Variants in SLC35F6 observed in about 807,000 individuals in gnomAD.
SLC35F6 encodes ANT2-binding protein.
A neutral mutation model predicts 29.4 loss-of-function variants in SLC35F6; 26 were observed. The ratio of observed to expected loss-of-function variants is 0.89; its 90% confidence interval spans 0.65 to 1.23. The LOEUF (loss-of-function observed/expected upper bound fraction) is 1.23. Ranked by LOEUF, SLC35F6 falls within the 50% of genes most tolerant of loss-of-function variation. The pLI is 0.00. For missense variants in SLC35F6, 428 were observed against 487.8 expected (o/e 0.88, Z 1.15); for synonymous variants, 174 against 206.6 (o/e 0.84, Z 1.35).
intron 1 of SLC35F6, among the ~76,000 whole-genome samples, chr2:26,765,959 G>T (rs1410121501): frequency 1.3e-5 from 2 of 152,238 alleles, no homozygotes; most frequent in Non-Finnish European, 2.9e-5. Context: ...GGAGAATCCA[G>T]ATTGCCAGTT....
chr2:26,778,584 C>A lies in SLC35F6; in HGVS notation c.*73C>A. On this transcript the variant is annotated 3_prime_UTR_variant, in exon 6 of 6. Coordinates refer to ENST00000344420, the MANE Select transcript of SLC35F6 (RefSeq NM_017877.4). ...GACTGAGGCCACACAGGCTGGTGGG[C>A]CCCGAATGCCCTATCCCCAAGGCCT... 1 of 1,389,778 alleles carries A rather than the reference C, an allele frequency of 7.2e-7. No homozygotes were observed. The allele number at this position is 1,389,778 out of a possible 1,614,324, so 86.1% of individuals were successfully genotyped here.
At position 26,775,265 on chromosome 2, in the gene SLC35F6, A is replaced by AG. The variant is rs761790495; in HGVS notation, c.322+54dup. ...AGGGCTCAGGGGAAGCTGTGGCTGAAGGGGCTACTGGTGAAACAGCCCTAT... is the reference window on the plus strand; with the variant it reads ...AGGGCTCAGGGGAAGCTGTGGCTGAAGGGGGCTACTGGTGAAACAGCCCTAT... On this transcript the variant is annotated intron_variant, in intron 3 of 5. Transcript: ENST00000344420. The surrounding 1 kb of genome is among the most constrained non-coding windows in gnomAD (Gnocchi z 4.6). 1.3e-5 allele frequency: 20 copies of AG among 1,584,210 alleles called. No homozygotes were observed. In the East Asian group the frequency reaches 4.5e-4, roughly 36 times the overall value.
At chr2:26,765,127 A>G (rs887715630) in intron 1 of SLC35F6, 1 of 500,218 alleles carries the variant, frequency 2.0e-6, no homozygotes, top group Non-Finnish European at 2.6e-6. Flanking sequence ...GCTGCTGCAT[A>G]GCAGATGAGG....
chr2:26,774,100 T>G, intron 1 of SLC35F6, 151 bp from the exon 2 acceptor site: 1 of 708,476 alleles, frequency 1.4e-6, no homozygotes, highest in Middle Eastern at 2.4e-4. Flanking sequence ...TTAAAACTCC[T>G]TGAGGTGAAG....
At chr2:26,767,395 G>A (rs1664113291) in intron 1 of SLC35F6, among the ~76,000 whole-genome samples, 1 of 152,208 alleles carries the variant, frequency 6.6e-6, no homozygotes, top group East Asian at 1.9e-4. Flanking sequence ...TGTGACAAGA[G>A]TGATGTTTCC....
intron 1 of SLC35F6, among the ~76,000 whole-genome samples, chr2:26,773,435 G>A (rs965501451): frequency 1.3e-5 from 2 of 150,188 alleles, no homozygotes; most frequent in African/African-American, 2.5e-5. Context: ...CCCGGGAGAC[G>A]GAGCTTGCAG....
chr2:26,771,988 A>AC (rs60614409), intron 1 of SLC35F6, among the ~76,000 whole-genome samples: 4,283 of 152,130 alleles, frequency 0.028, 209 homozygotes, highest in African/African-American at 0.099. Flanking sequence ...TGCCTTCTAA[A>AC]CAGTTCTGTC....
At chr2:26,764,648 A>G (rs1173614245) in intron 1 of SLC35F6, among the ~76,000 whole-genome samples, 2 of 152,206 alleles carry the variant, frequency 1.3e-5, no homozygotes, top group Non-Finnish European at 2.9e-5. Context: ...GATTTGCTGT[A>G]CAGCCTCCGC....
intron 1 of SLC35F6, among the ~76,000 whole-genome samples, chr2:26,765,378 G>A (rs930058376): frequency 6.6e-6 from 1 of 151,160 alleles, no homozygotes; most frequent in African/African-American, 2.4e-5. Flanking sequence ...GACCCAGGCA[G>A]TCATGAGACT....
rs1275171591 is a variant in SLC35F6, at chr2:26,764,444, C to A, written c.77+18C>A. ...TCGGCAAAGTGAGTCTGGGCCCTGCCGGGCGTGCGGGCCCTGGCGACCCCG... is the reference window on the plus strand; with the variant it reads ...TCGGCAAAGTGAGTCTGGGCCCTGCAGGGCGTGCGGGCCCTGGCGACCCCG... On this transcript the variant is annotated intron_variant, in intron 1 of 5. Coordinates refer to ENST00000344420, the MANE Select transcript of SLC35F6 (RefSeq NM_017877.4). 18 of 1,550,680 alleles carry A rather than the reference C, an allele frequency of 1.2e-5. No individual in the cohort carries two copies. The highest frequency in any genetic ancestry group is 1.4e-5 in the Non-Finnish European group (16 of 1,146,812).
chr2:26,766,188 C>T (rs935046545), intron 1 of SLC35F6, among the ~76,000 whole-genome samples: 1 of 152,174 alleles, frequency 6.6e-6, no homozygotes, highest in Admixed American at 6.5e-5. Context: ...CCAAGATGGG[C>T]CCCCAAATTG....
Position 26,776,377 on chromosome 2 carries a change from C to T in SLC35F6, c.541C>T (p.Leu181=). The T allele has an allele frequency of 6.2e-7, 1 of 1,614,134 alleles. No individual in the cohort carries two copies. The part of the protein sequence containing the change: ...HKLSEVITGD[L]LIIMAQIIVA... ...GGGTCCCTCCTTCCCCACAGGGGAC[C>T]TGTTGATCATCATGGCCCAGATCAT... The change falls in exon 5 of 6, where the codon CTG becomes TTG. Residue 181 remains leucine (L), a synonymous_variant. Coordinates refer to ENST00000344420, the MANE Select transcript of SLC35F6 (RefSeq NM_017877.4).
chr2:26,773,880 G>C (rs1255402547), intron 1 of SLC35F6, among the ~76,000 whole-genome samples: 1 of 152,202 alleles, frequency 6.6e-6, no homozygotes, highest in Non-Finnish European at 1.5e-5. Context: ...CCAAAGTGTC[G>C]GGATTACAGG....
intron 1 of SLC35F6, among the ~76,000 whole-genome samples, chr2:26,770,673 G>A (rs1204546787): frequency 6.6e-6 from 1 of 151,866 alleles, no homozygotes; most frequent in Non-Finnish European, 1.5e-5. Flanking sequence ...AGCCAAGATC[G>A]CGCTGCTACA....
In SLC35F6 at chr2:26,775,699, G is replaced by C. The variant is rs545302906; in HGVS notation, c.535+23G>C. 187 of 1,541,434 alleles carry C rather than the reference G, an allele frequency of 1.2e-4. No homozygotes were observed. Among genetic ancestry groups the C allele is most frequent in the Non-Finnish European group, 1.6e-4 (185 of 1,147,086 alleles). On this transcript the variant is annotated intron_variant, in intron 4 of 5. Coordinates refer to ENST00000344420, the MANE Select transcript of SLC35F6 (RefSeq NM_017877.4). The surrounding 1 kb of genome is among the most constrained non-coding windows in gnomAD (Gnocchi z 4.6). ...CAGGTGCGGCCAGGGGCAGGGACAC[G>C]GGGCTGCCCTATCCTGCCCTGTCCT...
chr2:26,778,420 G>A lies in SLC35F6; in HGVS notation c.1025G>A (p.Gly342Asp), dbSNP rs376660427. The change falls in exon 6 of 6, where the codon GGC (glycine) becomes GAC (aspartate). Residue 342 changes from glycine (G) to aspartate (D), a missense_variant. Physicochemically the swap from Gly to Asp is moderately conservative, Grantham distance 94. Coordinates refer to ENST00000344420, the MANE Select transcript of SLC35F6 (RefSeq NM_017877.4). ...AATGGGCTACACCGTCCGCTGCTGGGCCGCCTGTCCAGGGGCCGGCCCCTG... is the reference window on the plus strand; with the variant it reads ...AATGGGCTACACCGTCCGCTGCTGGACCGCCTGTCCAGGGGCCGGCCCCTG... ...LYNGLHRPLLGRLSRGRPLAE... is the reference protein window; with the variant it reads ...LYNGLHRPLLDRLSRGRPLAE... The A allele has an allele frequency of 6.2e-7, 1 of 1,614,016 alleles. No homozygotes were observed. The highest frequency in any genetic ancestry group is 8.5e-7 in the Non-Finnish European group (1 of 1,180,022).
rs186135264 is a variant in SLC35F6, at chr2:26,771,218, T to C, written c.78-3033T>C. 9.2e-5 allele frequency among the ~76,000 whole-genome samples: 14 copies of C among 152,342 alleles called. No homozygotes were observed. The East Asian group carries it at 2.7e-3, about 29-fold the overall frequency. Reference sequence around the variant, plus strand: ...GACAGGCCCCGAGGGGTTTCCCCTATGGACCAACTTGTTCTACCAGCAGGG... The same window carrying C: ...GACAGGCCCCGAGGGGTTTCCCCTACGGACCAACTTGTTCTACCAGCAGGG... On this transcript the variant is annotated intron_variant, in intron 1 of 5. Transcript: ENST00000344420.
Position 26,779,535 on chromosome 2 carries a change from G to C in SLC35F6, c.*1024G>C, listed in dbSNP as rs1386369744. 1 of 152,148 alleles carries C rather than the reference G, an allele frequency of 6.6e-6. No individual in the cohort carries two copies. The highest frequency in any genetic ancestry group is 1.5e-5 in the Non-Finnish European group (1 of 68,146). 9.4% of individuals were successfully genotyped at this position (152,148 alleles called of 1,614,324 possible). On this transcript the variant is annotated 3_prime_UTR_variant, in exon 6 of 6. Coordinates refer to ENST00000344420, the MANE Select transcript of SLC35F6 (RefSeq NM_017877.4). ...GTGCTGTTTTTTTTGTTGTTTGTTT[G>C]TTTCTTCTTTTTGAGACAGAGTCTT...
chr2:26,777,743 AGTGTGT>A (rs34163276), intron 5 of SLC35F6, among the ~76,000 whole-genome samples: 7 of 150,242 alleles, frequency 4.7e-5, no homozygotes, highest in Non-Finnish European at 1.0e-4. Flanking sequence ...TGTTTTTATG[AGTGTGT>A]GTGTGTGTGT....
Sources: allele counts gnomAD v4.1 joint callset (sites outside exome capture counted in the v4.1 genomes callset), GRCh38; gene constraint gnomAD v4.1.1; non-coding constraint Gnocchi (gnomAD v3.1); transcripts MANE v1.5; gene names NCBI Gene and HGNC (gene_info 2026-07-23, HGNC 2026-07-21).